The following MDGA2 variants were observed in gnomAD, a reference collection of about 807,000 sequenced individuals.
The protein encoded by MDGA2 is MAM domain containing glycosylphosphatidylinositol anchor 2, also known as MAM domain-containing glycosylphosphatidylinositol anchor protein 2.
MDGA2 carries 40 observed loss-of-function variants against 117.8 expected under a neutral mutation model. The ratio of observed to expected loss-of-function variants is 0.34; its 90% CI spans 0.26 to 0.44. MDGA2 has a LOEUF of 0.44. Ranked by LOEUF, MDGA2 falls within the 20% of genes least tolerant of loss-of-function variation. The pLI is 1.00. For missense variants in MDGA2, 1,123 were observed against 1,250.6 expected (o/e 0.90, Z 1.54); for synonymous variants, 452 against 439.0 (o/e 1.03, Z -0.37).
intron 1 of MDGA2, among the ~76,000 whole-genome samples, chr14:47,446,064 G>A (rs1035732523): frequency 6.6e-6 from 1 of 152,050 alleles, no homozygotes; most frequent in African/African-American, 2.4e-5. Context: ...ATTTTTTCAA[G>A]AAATTCTCAC....
chr14:46,839,764 T>C (rs1880534675), downstream of MDGA2, among the ~76,000 whole-genome samples: 1 of 151,998 alleles, frequency 6.6e-6, no homozygotes, highest in Non-Finnish European at 1.5e-5. Context: ...CTCATTTGTT[T>C]ATTATGTTTA....
intron 9 of MDGA2, among the ~76,000 whole-genome samples, chr14:46,953,215 TA>T (rs10644327): frequency 1.3e-5 from 2 of 151,330 alleles, no homozygotes; most frequent in South Asian, 4.2e-4. Flanking sequence ...TTCCTGACTG[TA>T]AAAAAAATCA....
intron 1 of MDGA2, among the ~76,000 whole-genome samples, chr14:47,566,779 G>A (rs1435694388): frequency 6.6e-6 from 1 of 151,942 alleles, no homozygotes; most frequent in African/African-American, 2.4e-5. Flanking sequence ...CCCAGCATCT[G>A]TGTCCTCCCT....
At chr14:47,444,810 T>A (rs900654370) in intron 1 of MDGA2, among the ~76,000 whole-genome samples, 1 of 152,106 alleles carries the variant, frequency 6.6e-6, no homozygotes, top group Non-Finnish European at 1.5e-5. Flanking sequence ...ATGCACTCCA[T>A]GAGAGGTCAC....
chr14:47,651,277 T>C (rs1897638826), intron 1 of MDGA2, among the ~76,000 whole-genome samples: 1 of 151,550 alleles, frequency 6.6e-6, no homozygotes, highest in African/African-American at 2.4e-5. Flanking sequence ...TATACACACA[T>C]ATCCTATTGG....
At chr14:47,318,189 T>C (rs1431946972) in intron 1 of MDGA2, among the ~76,000 whole-genome samples, 1 of 111,040 alleles carries the variant, frequency 9.0e-6, no homozygotes, top group Non-Finnish European at 2.2e-5. Flanking sequence ...ACCATATTAA[T>C]CCCTTACTCA....
chr14:47,274,084 C>G (rs1256256570), intron 2 of MDGA2, among the ~76,000 whole-genome samples: 1 of 152,038 alleles, frequency 6.6e-6, no homozygotes, highest in Non-Finnish European at 1.5e-5. Flanking sequence ...TCATACCATC[C>G]AACCTACCCA....
intron 1 of MDGA2, among the ~76,000 whole-genome samples, chr14:47,657,409 A>G (rs1240186954): frequency 1.3e-5 from 2 of 152,144 alleles, no homozygotes; most frequent in African/African-American, 2.4e-5. Context: ...AATTATAGAC[A>G]TTATCCATAT....
intron 1 of MDGA2, among the ~76,000 whole-genome samples, chr14:47,364,344 A>T (rs538155270): frequency 4.6e-5 from 7 of 152,350 alleles, no homozygotes; most frequent in African/African-American, 1.7e-4. Flanking sequence ...TGCTCACTGC[A>T]AGCTCTGCCT....
intron 3 of MDGA2, among the ~76,000 whole-genome samples, chr14:47,194,276 AT>A (rs1031304790): frequency 6.6e-6 from 1 of 152,104 alleles, no homozygotes; most frequent in Non-Finnish European, 1.5e-5. Flanking sequence ...TGAGTCATTC[AT>A]TTCCCATTTT....
intron 2 of MDGA2, among the ~76,000 whole-genome samples, chr14:47,300,298 T>G (rs1253969125): frequency 6.6e-6 from 1 of 152,228 alleles, no homozygotes; most frequent in Non-Finnish European, 1.5e-5. Context: ...CCTACCATAG[T>G]GCTTGTGTTG....
At chr14:47,057,705 GCCTTA>G (rs1389391266) in intron 7 of MDGA2, among the ~76,000 whole-genome samples, 5 of 122,710 alleles carry the variant, frequency 4.1e-5, no homozygotes, top group African/African-American at 1.5e-4. Context: ...GCCTTGCCTT[GCCTTA>G]CCTTGCCCTG....
At chr14:47,248,617 A>T (rs994999025) in intron 2 of MDGA2, among the ~76,000 whole-genome samples, 3 of 146,302 alleles carry the variant, frequency 2.1e-5, no homozygotes, top group Admixed American at 6.7e-5. Context: ...GCATCATGCA[A>T]ACTATATTGT....
chr14:47,198,355 G>A (rs929799487), intron 3 of MDGA2, among the ~76,000 whole-genome samples: 1 of 152,156 alleles, frequency 6.6e-6, no homozygotes, highest in Non-Finnish European at 1.5e-5. Context: ...GGCAGATCAC[G>A]AGGTCAGGAG....
At chr14:47,520,249 C>G (rs1052485978) in intron 1 of MDGA2, among the ~76,000 whole-genome samples, 1 of 152,162 alleles carries the variant, frequency 6.6e-6, no homozygotes, top group African/African-American at 2.4e-5. Flanking sequence ...GTTTTCCTCT[C>G]TTTTGAAAAG....
chr14:46,873,605 A>G lies in MDGA2; in HGVS notation c.2594-14T>C. ...ACATATAAAAACCTTAAAACAGACA[A>G]AATAAAGTGTTTAAACACATTATTC... On this transcript the variant is annotated splice_polypyrimidine_tract_variant and intron_variant, in intron 13 of 16. Coordinates refer to ENST00000399232, the MANE Select transcript of MDGA2 (RefSeq NM_001113498.3). 1.9e-6 allele frequency: 3 copies of G among 1,608,022 alleles called. No homozygotes were observed. The highest frequency in any genetic ancestry group is 2.5e-6 in the Non-Finnish European group (3 of 1,176,892).
At chr14:47,157,771 C>A (rs1013401454) in intron 3 of MDGA2, among the ~76,000 whole-genome samples, 1 of 151,974 alleles carries the variant, frequency 6.6e-6, no homozygotes, top group South Asian at 2.1e-4. Flanking sequence ...ACGCTATTCT[C>A]GTGATAATAA....
intron 1 of MDGA2, among the ~76,000 whole-genome samples, chr14:47,340,652 T>C (rs188958685): frequency 6.6e-6 from 1 of 152,284 alleles, no homozygotes; most frequent in East Asian, 1.9e-4. Flanking sequence ...GAATGTAGCC[T>C]TTTATGAGAC....
chr14:47,494,528 T>C (rs1210885044), intron 1 of MDGA2, among the ~76,000 whole-genome samples: 1 of 152,214 alleles, frequency 6.6e-6, no homozygotes, highest in Non-Finnish European at 1.5e-5. Context: ...GCAGAAGCTT[T>C]TTAGTTTAAT....
Sources: gnomAD v4.1 joint callset for allele counts (sites outside exome capture counted in the v4.1 genomes callset) on GRCh38, gnomAD v4.1.1 for gene constraint, MANE v1.5 for transcripts, NCBI Gene and HGNC (gene_info 2026-07-23, HGNC 2026-07-21) for gene names.